The following SOX6 variants were observed in gnomAD, a reference collection of about 807,000 sequenced individuals.
The protein encoded by SOX6 is transcription factor SOX-6.
A neutral mutation model predicts 97.8 loss-of-function variants in SOX6; 11 were observed. The ratio of observed to expected loss-of-function variants is 0.11; its 90% confidence interval spans 0.07 to 0.19. SOX6 has a LOEUF of 0.19. Among genes scored for constraint, SOX6 ranks in the 10% least tolerant of loss-of-function variants. The probability of loss-of-function intolerance (pLI) is 1.00; values close to 1 mark genes in which losing one functional copy is unlikely to be tolerated. For synonymous variants in SOX6, 360 were observed against 371.4 expected (o/e 0.97, Z 0.35); for missense variants, 810 against 1,039.5 (o/e 0.78, Z 3.04).
chr11:16,357,293 T>C (rs1215304351), upstream of SOX6, among the ~76,000 whole-genome samples: 3 of 152,156 alleles, frequency 2.0e-5, no homozygotes, highest in Non-Finnish European at 2.9e-5. Context: ...TCACCCAGAC[T>C]GGAAAATGTA....
chr11:16,442,653 C>G (rs559566336), intron 1 of SOX6, among the ~76,000 whole-genome samples: 1 of 152,108 alleles, frequency 6.6e-6, no homozygotes, highest in Non-Finnish European at 1.5e-5. Context: ...TATTGGCTAG[C>G]AAAGTATAAG....
chr11:16,175,106 T>C (rs986630891), intron 6 of SOX6, among the ~76,000 whole-genome samples: 3 of 151,972 alleles, frequency 2.0e-5, no homozygotes, highest in African/African-American at 7.2e-5. Context: ...TAATTGATTA[T>C]AGTACCTACA....
intron 2 of SOX6, among the ~76,000 whole-genome samples, chr11:16,338,027 C>A (rs1287732038): frequency 1.3e-5 from 2 of 152,052 alleles, no homozygotes; most frequent in Non-Finnish European, 2.9e-5. Context: ...CAAAGTAAAA[C>A]CCTTCCTGTA....
In SOX6 at chr11:16,301,884, C is replaced by T. The variant is rs539996218; in HGVS notation, c.445+16562G>A. ...CGTACTTCTGCCTGCTAGATGTATT[C>T]CACCTTCATGGAATACTCAAACTTG... On this transcript the variant is annotated intron_variant, in intron 3 of 15. Transcript: ENST00000683767. 2.0e-5 allele frequency among the ~76,000 whole-genome samples: 3 copies of T among 152,240 alleles called. No individual in the cohort carries two copies. In the East Asian group the frequency reaches 5.8e-4, roughly 29 times the overall value.
chr11:16,686,374 T>A (rs1484197459), intron 3 of SOX6, among the ~76,000 whole-genome samples: 1 of 152,128 alleles, frequency 6.6e-6, no homozygotes, highest in Non-Finnish European at 1.5e-5. Context: ...TATCTGAGAG[T>A]AGGCCACATC....
chr11:16,291,797 A>G (rs184148748), intron 3 of SOX6, among the ~76,000 whole-genome samples: 3 of 152,192 alleles, frequency 2.0e-5, no homozygotes, highest in Non-Finnish European at 4.4e-5. Context: ...GTTGGTATTA[A>G]TGTAATAAAT....
rs72859492 is a variant in SOX6, at chr11:16,589,911, C to A, written n.609+22170G>T. Among the ~76,000 whole-genome samples the A allele has an allele frequency of 2.4e-4, 37 of 152,146 alleles. No individual in the cohort carries two copies. The East Asian group carries it at 5.2e-3, about 21-fold the overall frequency. Reference sequence around the variant, plus strand: ...AAACATAAAGTTAAATGTTGTGAAACCTCTTTGAAATTCTTTTATAAAAGA... The same window carrying A: ...AAACATAAAGTTAAATGTTGTGAAAACTCTTTGAAATTCTTTTATAAAAGA... On this transcript the variant is annotated intron_variant and non_coding_transcript_variant, in intron 4 of 5. Coordinates refer to the SOX6 transcript ENST00000524520.
intron 3 of SOX6, among the ~76,000 whole-genome samples, chr11:16,627,367 CTTCTAAG>C (rs1490932578): frequency 6.6e-6 from 1 of 152,184 alleles, no homozygotes; most frequent in East Asian, 1.9e-4. Context: ...TTGAATCATA[CTTCTAAG>C]TTCTTTGAGA....
intron 12 of SOX6, among the ~76,000 whole-genome samples, chr11:16,042,488 A>G (rs1247643192): frequency 6.6e-6 from 1 of 152,164 alleles, no homozygotes; most frequent in Non-Finnish European, 1.5e-5. Context: ...GAGATTGCCA[A>G]TGTAAAATGT....
At chr11:16,640,192 G>A (rs1347440136) in intron 3 of SOX6, among the ~76,000 whole-genome samples, 3 of 152,154 alleles carry the variant, frequency 2.0e-5, no homozygotes, top group East Asian at 1.9e-4. Context: ...CTTTGGTTCT[G>A]TTTATACGCT....
At chr11:16,238,192 C>T (rs1853081406) in intron 3 of SOX6, among the ~76,000 whole-genome samples, 1 of 151,866 alleles carries the variant, frequency 6.6e-6, no homozygotes, top group South Asian at 2.1e-4. Flanking sequence ...CAGTTCTCAC[C>T]TATAATTTAA....
At chr11:16,467,701 G>T (rs1478566623) in intron 1 of SOX6, among the ~76,000 whole-genome samples, 1 of 152,108 alleles carries the variant, frequency 6.6e-6, no homozygotes. Context: ...GTTAATACCT[G>T]GAGGATGAAA....
chr11:16,002,769 C>T (rs187387432), intron 13 of SOX6, among the ~76,000 whole-genome samples: 158 of 152,212 alleles, frequency 1.0e-3, no homozygotes, highest in Admixed American at 1.6e-3. Flanking sequence ...CTGAATAATT[C>T]GTGTTATTCA....
intron 6 of SOX6, among the ~76,000 whole-genome samples, chr11:16,156,650 C>T (rs1458932418): frequency 1.3e-5 from 2 of 151,950 alleles, no homozygotes; most frequent in Admixed American, 1.3e-4. Flanking sequence ...CATACCACTT[C>T]CCCTTGCTCT....
At chr11:16,001,027 T>TTTTTTA (rs1240551182) in intron 13 of SOX6, among the ~76,000 whole-genome samples, 2 of 151,600 alleles carry the variant, frequency 1.3e-5, no homozygotes, top group Non-Finnish European at 2.9e-5. Flanking sequence ...CAGCTAATTT[T>TTTTTTA]TTTTTATTTT....
chr11:16,536,987 C>T (rs1861318903), intron 4 of SOX6, among the ~76,000 whole-genome samples: 1 of 152,362 alleles, frequency 6.6e-6, no homozygotes, highest in South Asian at 2.1e-4. Context: ...TGAGAACAGA[C>T]TGACTGCTTC....
intron 1 of SOX6, among the ~76,000 whole-genome samples, chr11:16,366,831 C>T (rs1438536772): frequency 5.9e-5 from 9 of 152,080 alleles, no homozygotes; most frequent in African/African-American, 1.2e-4. Flanking sequence ...AACCCAAATA[C>T]GAACATCATA....
In SOX6 at chr11:16,300,987, A is replaced by G. The variant is rs1199791034; in HGVS notation, c.445+17459T>C. 6.6e-6 allele frequency among the ~76,000 whole-genome samples: 1 copy of G among 152,202 alleles called. No homozygotes were observed. Among genetic ancestry groups the G allele is most frequent in the South Asian group, 2.1e-4 (1 of 4,836 alleles). On this transcript the variant is annotated intron_variant, in intron 3 of 15. Transcript: ENST00000683767. This position sits in a 1 kb window ranked among gnomAD's most constrained non-coding sequence, Gnocchi z 4.1. ...CAGATTATTACATCTGAAACCACACAATACCTTTTCTTTTTTCCCTCATCA... is the reference window on the plus strand; with the variant it reads ...CAGATTATTACATCTGAAACCACACGATACCTTTTCTTTTTTCCCTCATCA...
chr11:16,402,921 C>T, intron 1 of SOX6: 1 of 1,389,734 alleles, frequency 7.2e-7, no homozygotes, highest in Admixed American at 2.1e-5. Flanking sequence ...GAACCCTGTC[C>T]TTTCAAAACA....
Sources: allele counts gnomAD v4.1 joint callset (sites outside exome capture counted in the v4.1 genomes callset), GRCh38; gene constraint gnomAD v4.1.1; non-coding constraint Gnocchi (gnomAD v3.1); transcripts MANE v1.5; gene names NCBI Gene and HGNC (gene_info 2026-07-23, HGNC 2026-07-21).